Variants in MGMT observed in about 807,000 individuals in gnomAD.
The protein encoded by MGMT is methylated-DNA--protein-cysteine methyltransferase.
In MGMT, 14 loss-of-function variants were observed where a neutral mutation model predicts 15.9. The observed-to-expected ratio is 0.88, with a 90% CI of 0.58 to 1.37. MGMT has a LOEUF of 1.37. MGMT is among the 40% of genes most tolerant of loss of function. MGMT has a pLI of 0.00. For synonymous variants in MGMT, 130 were observed against 118.2 expected (o/e 1.10, Z -0.65); for missense variants, 282 against 268.1 (o/e 1.05, Z -0.36).
At chr10:129,471,752 G>T (rs112936267) in intron 1 of MGMT, among the ~76,000 whole-genome samples, 1 of 152,110 alleles carries the variant, frequency 6.6e-6, no homozygotes, top group African/African-American at 2.4e-5. Context: ...AGACCCTAAT[G>T]CTTGAGCACC....
chr10:129,725,930 T>C (rs1184773190), intron 3 of MGMT, among the ~76,000 whole-genome samples: 1 of 152,206 alleles, frequency 6.6e-6, no homozygotes, highest in Non-Finnish European at 1.5e-5. Flanking sequence ...CTGGGGCAGT[T>C]TCTCTTTAGC....
chr10:129,654,721 C>T (rs770465237), intron 2 of MGMT, among the ~76,000 whole-genome samples: 15 of 151,966 alleles, frequency 9.9e-5, no homozygotes, highest in Non-Finnish European at 1.5e-4. Context: ...GCCGGGGTCT[C>T]GGGAAGCTTG....
intron 1 of MGMT, among the ~76,000 whole-genome samples, chr10:129,508,872 A>G (rs566198727): frequency 1.3e-5 from 2 of 152,296 alleles, no homozygotes; most frequent in South Asian, 2.1e-4. Context: ...GGAAAACCCC[A>G]TTAAATAGCT....
chr10:129,541,715 T>C (rs773515247), intron 2 of MGMT, among the ~76,000 whole-genome samples: 2 of 152,180 alleles, frequency 1.3e-5, no homozygotes, highest in Non-Finnish European at 2.9e-5. Context: ...CAGAAAAATA[T>C]AGGAAAAGCT....
intron 3 of MGMT, among the ~76,000 whole-genome samples, chr10:129,724,214 G>T (rs1848407027): frequency 6.6e-6 from 1 of 152,118 alleles, no homozygotes; most frequent in Non-Finnish European, 1.5e-5. Context: ...CATTGAAAAG[G>T]AATAATCCAC....
chr10:129,664,112 A>G (rs1847630289), intron 2 of MGMT, among the ~76,000 whole-genome samples: 3 of 152,216 alleles, frequency 2.0e-5, no homozygotes, highest in Admixed American at 2.0e-4. Context: ...ATATACCTCA[A>G]CAAATATAAC....
At chr10:129,702,694 G>T (rs910485745) in intron 2 of MGMT, among the ~76,000 whole-genome samples, 6 of 152,212 alleles carry the variant, frequency 3.9e-5, no homozygotes, top group Non-Finnish European at 8.8e-5. Flanking sequence ...ATCCGTGGCA[G>T]CCCCCGGAGC....
chr10:129,726,243 C>T (rs1301052644), intron 3 of MGMT, among the ~76,000 whole-genome samples: 1 of 152,156 alleles, frequency 6.6e-6, no homozygotes, highest in African/African-American at 2.4e-5. Context: ...GAGACTTGAA[C>T]CTGGGTCCTT....
intron 1 of MGMT, among the ~76,000 whole-genome samples, chr10:129,526,643 G>A (rs1231379445): frequency 3.3e-5 from 5 of 152,168 alleles, no homozygotes; most frequent in African/African-American, 9.7e-5. Context: ...GCAGGTGCAC[G>A]TCACCACACC....
rs573077794 is a variant in MGMT at position 129,592,459 on chromosome 10, C to T, written c.125+56082C>T. The stretch of plus-strand genomic sequence containing the variant: ...GCATACCTCAGTGAACCAGTATTTT[C>T]TAAATGATGGATAATGTTATAAAAT... On this transcript the variant is annotated intron_variant, in intron 2 of 4. Coordinates refer to ENST00000651593, the MANE Select transcript of MGMT (RefSeq NM_002412.5). Among the ~76,000 whole-genome samples the T allele has an allele frequency of 3.3e-5, 5 of 152,284 alleles. 1 individual carries two copies. The highest frequency in any genetic ancestry group is 1.2e-4 in the African/African-American group (5 of 41,560).
chr10:129,717,906 A>C (rs1265138653), intron 3 of MGMT: 1 of 152,208 alleles, frequency 6.6e-6, no homozygotes, highest in Non-Finnish European at 1.5e-5. Flanking sequence ...TGGTCTTACC[A>C]GTGTTAGGGT....
chr10:129,721,832 AATGCT>A (rs1848375772), intron 3 of MGMT, among the ~76,000 whole-genome samples: 1 of 31,354 alleles, frequency 3.2e-5, no homozygotes, highest in African/African-American at 9.6e-5. Flanking sequence ...AGCATATTAG[AATGCT>A]AAAATGTAAA....
In MGMT at chr10:129,590,320, C is replaced by T. The variant is rs567574351; in HGVS notation, c.125+53943C>T. 2.0e-5 allele frequency among the ~76,000 whole-genome samples: 3 copies of T among 152,294 alleles called. No homozygotes were observed. In the South Asian group the frequency reaches 6.2e-4, roughly 32 times the overall value. Reference sequence around the variant, plus strand: ...AGCACATTTAGTAAACCAAGATGTGCTTATATGAACTTTTCCCTGAAAAGT... The same window carrying T: ...AGCACATTTAGTAAACCAAGATGTGTTTATATGAACTTTTCCCTGAAAAGT... On this transcript the variant is annotated intron_variant, in intron 2 of 4. Transcript: ENST00000651593.
At chr10:129,553,788 T>TTGCC (rs907820119) in intron 2 of MGMT, among the ~76,000 whole-genome samples, 1 of 152,166 alleles carries the variant, frequency 6.6e-6, no homozygotes, top group Non-Finnish European at 1.5e-5. Flanking sequence ...AGGGGTCTTG[T>TTGCC]TGCCTGCCTG....
intron 2 of MGMT, among the ~76,000 whole-genome samples, chr10:129,569,977 A>G (rs949485638): frequency 2.0e-5 from 3 of 152,210 alleles, no homozygotes; most frequent in African/African-American, 7.2e-5. Flanking sequence ...CTTGCCCTCC[A>G]TAATTGAGTG....
At chr10:129,754,880 T>C (rs1449010975) in intron 3 of MGMT, among the ~76,000 whole-genome samples, 2 of 151,952 alleles carry the variant, frequency 1.3e-5, no homozygotes, top group Admixed American at 6.6e-5. Flanking sequence ...AGGAACACAT[T>C]GAAACCTTAG....
At chr10:129,546,920 C>T (rs556942883) in intron 2 of MGMT, among the ~76,000 whole-genome samples, 1 of 152,230 alleles carries the variant, frequency 6.6e-6, no homozygotes, top group South Asian at 2.1e-4. Context: ...TCAAATAGAA[C>T]GTGGGGGTGG....
chr10:129,580,742 C>T lies in MGMT; in HGVS notation c.125+44365C>T, dbSNP rs143142289. On this transcript the variant is annotated intron_variant, in intron 2 of 4. Coordinates refer to ENST00000651593, the MANE Select transcript of MGMT (RefSeq NM_002412.5). ...AGACACCCCATGATTGGGGATACCC[C>T]GTGACCATGGATGCCCCATAACCAC... 1.4e-4 allele frequency among the ~76,000 whole-genome samples: 21 copies of T among 152,360 alleles called. No homozygotes were observed. In the East Asian group the frequency reaches 3.5e-3, roughly 25 times the overall value.
At chr10:129,486,153 TTCTTCTCTGTTCTCTTC>T (rs1845406627) in intron 1 of MGMT, among the ~76,000 whole-genome samples, 1 of 150,754 alleles carries the variant, frequency 6.6e-6, no homozygotes, top group East Asian at 1.9e-4. Context: ...TGTGGTTCTG[TTCTTCTCTGTTCTCTTC>T]TCTTCTCTTT....
Sources: gnomAD v4.1 joint callset for allele counts (sites outside exome capture counted in the v4.1 genomes callset) on GRCh38, gnomAD v4.1.1 for gene constraint, MANE v1.5 for transcripts, NCBI Gene and HGNC (gene_info 2026-07-23, HGNC 2026-07-21) for gene names.